The following DUSP13A variants were observed in gnomAD, a reference collection of about 807,000 sequenced individuals.
DUSP13A encodes the protein dual specificity protein phosphatase 13A.
chr10:75,109,076 G>A, the DUSP13A span: 6 of 1,612,354 alleles, frequency 3.7e-6, no homozygotes, highest in African/African-American at 4.0e-5. Flanking sequence ...CCTGCCCGCA[G>A]GAGCTCCTCC....
chr10:75,108,183 A>G, the DUSP13A span: 1 of 1,608,810 alleles, frequency 6.2e-7, no homozygotes, highest in African/African-American at 1.3e-5. Flanking sequence ...CAGCTTCCAC[A>G]GCTCAAAGCG....
the DUSP13A span, among the ~76,000 whole-genome samples, chr10:75,106,101 C>CTTT: frequency 6.5e-5 from 8 of 123,012 alleles, no homozygotes; most frequent in South Asian, 2.6e-4. Flanking sequence ...TCTTTCTTTT[C>CTTT]TTTTTTTTTT....
the DUSP13A span, chr10:75,105,888 GA>G: frequency 1.3e-6 from 2 of 1,543,950 alleles, no homozygotes; most frequent in Non-Finnish European, 1.8e-6. Flanking sequence ...ACATCCTGGT[GA>G]AAAACCCTGT....
chr10:75,107,999 C>A, the DUSP13A span: 20 of 1,611,858 alleles, frequency 1.2e-5, no homozygotes, highest in South Asian at 1.7e-4. Context: ...TACCCCCAGG[C>A]GTGTTGAGGG....
the DUSP13A span, among the ~76,000 whole-genome samples, chr10:75,107,590 G>A: frequency 7.4e-5 from 11 of 149,162 alleles, no homozygotes; most frequent in East Asian, 1.9e-4. Flanking sequence ...TTTTTTTGGC[G>A]GGGGGGGATG....
the DUSP13A span, chr10:75,108,194 G>A: frequency 6.2e-7 from 1 of 1,605,254 alleles, no homozygotes; most frequent in Non-Finnish European, 8.5e-7. Context: ...GCTCAAAGCG[G>A]TTGTTTGCCG....
chr10:75,109,119 G>A, the DUSP13A span: 1 of 1,610,296 alleles, frequency 6.2e-7, no homozygotes, highest in South Asian at 1.1e-5. Context: ...GCGTGGCTTT[G>A]TCCTCTCCCC....
the DUSP13A span, among the ~76,000 whole-genome samples, chr10:75,106,232 G>A: frequency 1.3e-5 from 2 of 150,712 alleles, no homozygotes; most frequent in African/African-American, 4.9e-5. Flanking sequence ...GTGAGACACC[G>A]CTCCTGGCCT....
the DUSP13A span, chr10:75,108,962 C>A: frequency 6.4e-7 from 1 of 1,551,106 alleles, no homozygotes; most frequent in Admixed American, 1.9e-5. Context: ...CCAAGAACTG[C>A]CTCTCCACGT....
the DUSP13A span, chr10:75,105,977 A>G: frequency 9.9e-7 from 1 of 1,010,466 alleles, no homozygotes; most frequent in Non-Finnish European, 1.5e-6. Context: ...GCACTCTGTG[A>G]TCCTGAGCAA....
the DUSP13A span, chr10:75,108,876 A>T: frequency 8.2e-7 from 1 of 1,219,380 alleles, no homozygotes; most frequent in South Asian, 1.7e-5. Context: ...GGGGTCCTGG[A>T]GAAGGTCCCT....
the DUSP13A span, among the ~76,000 whole-genome samples, chr10:75,106,101 CTTTT>C: frequency 4.9e-5 from 6 of 123,034 alleles, no homozygotes; most frequent in South Asian, 2.6e-4. Flanking sequence ...TCTTTCTTTT[CTTTT>C]TTTTTTTTTT....
At chr10:75,108,560 G>A in the DUSP13A span, among the ~76,000 whole-genome samples, 6 of 152,062 alleles carry the variant, frequency 3.9e-5, no homozygotes, top group African/African-American at 1.4e-4. Flanking sequence ...TCCTCTACTG[G>A]CTACCACCTC....
the DUSP13A span, chr10:75,107,990 AC>A: frequency 1.2e-6 from 2 of 1,610,178 alleles, no homozygotes; most frequent in Admixed American, 1.7e-5. Flanking sequence ...CCCAAGTCCT[AC>A]CCCCAGGCGT....
chr10:75,108,299 G>A, the DUSP13A span: 2 of 1,502,542 alleles, frequency 1.3e-6, no homozygotes, highest in Non-Finnish European at 1.8e-6. Context: ...GAGGGACCGA[G>A]CCATTAGGGT....
the DUSP13A span, chr10:75,105,928 G>C: frequency 6.7e-7 from 1 of 1,489,708 alleles, no homozygotes; most frequent in Non-Finnish European, 9.1e-7. Flanking sequence ...CACGGGCTGG[G>C]ATGGGGACCC....
the DUSP13A span, among the ~76,000 whole-genome samples, chr10:75,107,687 C>G: frequency 6.6e-6 from 1 of 152,170 alleles, no homozygotes; most frequent in Non-Finnish European, 1.5e-5. Context: ...AGCAATTCTC[C>G]TGCCTCAGCC....
At chr10:75,106,807 T>C in the DUSP13A span, among the ~76,000 whole-genome samples, 15 of 152,332 alleles carry the variant, frequency 9.8e-5, no homozygotes, top group South Asian at 2.1e-4. Context: ...AATGGATAAA[T>C]AGCAAAAGAA....
At chr10:75,108,953 C>G in the DUSP13A span, 6 of 1,543,368 alleles carry the variant, frequency 3.9e-6, no homozygotes, top group Non-Finnish European at 4.4e-6. Context: ...GTAAAGCGAC[C>G]AAGAACTGCC....
Sources: gnomAD v4.1 joint callset for allele counts (sites outside exome capture counted in the v4.1 genomes callset) on GRCh38, gnomAD v4.1.1 for gene constraint, MANE v1.5 for transcripts, NCBI Gene and HGNC (gene_info 2026-07-23, HGNC 2026-07-21) for gene names.